ARNT: variants seen among roughly 807,000 people sequenced by gnomAD.
ARNT encodes the protein aryl hydrocarbon receptor nuclear translocator, also known as class E basic helix-loop-helix protein 2.
Under a neutral mutation model 105.0 loss-of-function variants are expected in ARNT, and 30 were observed. The observed-to-expected ratio is 0.29, with a 90% CI of 0.21 to 0.39. The LOEUF (loss-of-function observed/expected upper bound fraction) is 0.39. ARNT is among the 10% of genes least tolerant of loss of function. The probability of loss-of-function intolerance (pLI) is 1.00; values close to 1 mark genes in which losing one functional copy is unlikely to be tolerated. For missense variants in ARNT, 748 were observed against 978.7 expected (o/e 0.76, Z 3.15); for synonymous variants, 304 against 344.0 (o/e 0.88, Z 1.29).
intron 4 of ARNT, 89 bp downstream of exon 4, chr1:150,846,174 G>A: frequency 8.8e-7 from 1 of 1,141,884 alleles, no homozygotes; most frequent in South Asian, 1.5e-5. Context: ...GTCTCATCCA[G>A]AAAAAATTAA....
At chr1:150,815,553 GAA>G (rs1269872697) in intron 19 of ARNT, among the ~76,000 whole-genome samples, 4 of 82,694 alleles carry the variant, frequency 4.8e-5, no homozygotes, top group Admixed American at 1.4e-4. Flanking sequence ...TCTGTCTCAA[GAA>G]AAAAAAAAAA....
chr1:150,836,260 C>A lies in ARNT; in HGVS notation c.700+20G>T, dbSNP rs1660307234. The A allele has an allele frequency of 6.2e-7, 1 of 1,609,582 alleles. No homozygotes were observed. The highest frequency in any genetic ancestry group is 8.5e-7 in the Non-Finnish European group (1 of 1,176,154). On this transcript the variant is annotated intron_variant, in intron 7 of 21. Transcript: ENST00000358595. ...ACAAGAAAGGACTTCTCATTCATTT[C>A]CCATACACATAACTCTCACCTGTCA... is the stretch of plus-strand genomic sequence containing the variant.
intron 2 of ARNT, among the ~76,000 whole-genome samples, chr1:150,853,849 T>C (rs1022249699): frequency 1.3e-5 from 2 of 152,242 alleles, no homozygotes; most frequent in African/African-American, 4.8e-5. Context: ...CTGTACACTA[T>C]TGAACTAAAA....
chr1:150,858,089 T>C (rs183868131), intron 2 of ARNT, among the ~76,000 whole-genome samples: 10 of 152,170 alleles, frequency 6.6e-5, no homozygotes, highest in African/African-American at 2.4e-4. Flanking sequence ...TAGTAAAATC[T>C]CTGGGCTTAG....
At chr1:150,827,098 G>A (rs991910638) in intron 12 of ARNT, among the ~76,000 whole-genome samples, 2 of 151,780 alleles carry the variant, frequency 1.3e-5, no homozygotes, top group Admixed American at 6.6e-5. Flanking sequence ...CTAAAAAAAG[G>A]CAGAATCTGT....
At position 150,823,306 on chromosome 1, in the gene ARNT, G is replaced by A. The variant is rs1261130932; in HGVS notation, c.1282C>T (p.Arg428Trp). 1.9e-6 allele frequency: 3 copies of A among 1,613,502 alleles called. No homozygotes were observed. The highest frequency in any genetic ancestry group is 1.7e-5 in the Admixed American group (1 of 60,008). Residue 428 changes from arginine (R) to tryptophan (W), a missense_variant, in exon 14 of 22, where the codon CGG (arginine) becomes TGG (tryptophan). Physicochemically the swap from Arg to Trp is moderately radical, Grantham distance 101. Coordinates refer to ENST00000358595, the MANE Select transcript of ARNT (RefSeq NM_001668.4). ...LKGQVLSVMF[R>W]FRSKNQEWLW... Reference sequence around the variant, plus strand: ...CATTCTTGGTTCTTAGACCGGAACCGGAACATGACAGACAGCACTTGGCCT... The same window carrying A: ...CATTCTTGGTTCTTAGACCGGAACCAGAACATGACAGACAGCACTTGGCCT...
At chr1:150,830,206 C>CA (rs1571265997) in intron 10 of ARNT, 2 of 440,322 alleles carry the variant, frequency 4.5e-6, no homozygotes, top group African/African-American at 4.0e-5. Context: ...ATTAGCCAGG[C>CA]ATGGTGGCAT....
chr1:150,848,519 ACT>A (rs992574287), intron 3 of ARNT, among the ~76,000 whole-genome samples: 13 of 151,648 alleles, frequency 8.6e-5, no homozygotes, highest in Admixed American at 6.6e-4. Context: ...ACTATATATA[ACT>A]CTGCACTGTT....
rs34096034 is a variant in ARNT at position 150,817,911 on chromosome 1, C to CT, written c.1505+8dup. On this transcript the variant is annotated intron_variant, in intron 15 of 21. Coordinates refer to ENST00000358595, the MANE Select transcript of ARNT (RefSeq NM_001668.4). Reference sequence around the variant, plus strand: ...CTGCTCAACAGATGATTATTTCACCCTTTTTTACCTGGGTGCCAGCTGTCC... The same window carrying CT: ...CTGCTCAACAGATGATTATTTCACCCTTTTTTTACCTGGGTGCCAGCTGTCC... 2 of 1,600,266 alleles carry CT rather than the reference C, an allele frequency of 1.2e-6. No individual in the cohort carries two copies. Among genetic ancestry groups the CT allele is most frequent in the African/African-American group, 2.7e-5 (2 of 74,760 alleles).
intron 3 of ARNT, 128 bp from the exon 4 acceptor site, chr1:150,846,435 G>T: frequency 1.2e-6 from 1 of 866,626 alleles, no homozygotes. Flanking sequence ...ATCACAAAGT[G>T]ATAGAAATAA....
At chr1:150,813,385 C>A in intron 20 of ARNT, 47 bp from the exon 21 acceptor site, 2 of 1,525,252 alleles carry the variant, frequency 1.3e-6, no homozygotes, top group East Asian at 2.3e-5. Flanking sequence ...CTACACAATT[C>A]CATTGTGTAC....
At chr1:150,823,156 G>C (rs377533771) in intron 14 of ARNT, 38 bp downstream of exon 14, 34 of 1,480,114 alleles carry the variant, frequency 2.3e-5, no homozygotes, top group Non-Finnish European at 4.5e-6. Context: ...TGAGAACAGA[G>C]GAAAAACAGT....
At position 150,875,306 on chromosome 1, in the gene ARNT, A is replaced by G. The variant is rs114171189; in HGVS notation, c.25+1237T>C. ...AAAAAAATGACGTGACAAATTAACCATTTCTTAAAATAGCTATTCCCAGAA... is the reference window on the plus strand; with the variant it reads ...AAAAAAATGACGTGACAAATTAACCGTTTCTTAAAATAGCTATTCCCAGAA... On this transcript the variant is annotated intron_variant, in intron 1 of 21. Coordinates refer to ENST00000358595, the MANE Select transcript of ARNT (RefSeq NM_001668.4). 6.7e-3 allele frequency among the ~76,000 whole-genome samples: 1,018 copies of G among 152,320 alleles called. 18 individuals are homozygous for G. The highest frequency in any genetic ancestry group is 0.023 in the African/African-American group (952 of 41,570).
chr1:150,834,714 A>G (rs1659981932), intron 7 of ARNT, 74 bp from the exon 8 acceptor site: 1 of 1,277,252 alleles, frequency 7.8e-7, no homozygotes, highest in Admixed American at 1.7e-5. Context: ...TACTGAAGGC[A>G]AAGATAAGTA....
At chr1:150,815,228 C>T (rs145897011) in intron 19 of ARNT, among the ~76,000 whole-genome samples, 27 of 151,960 alleles carry the variant, frequency 1.8e-4, no homozygotes, top group Admixed American at 5.2e-4. Context: ...ATTTATTGTG[C>T]GTTATATTAT....
Position 150,839,644 on chromosome 1 carries a change from T to C in ARNT, c.283A>G (p.Ser95Gly). ...TTCCGTCGCCGCCGTTCAATTTCAC[T>C]GTGATTTTCCCTGCATGGAAAGAAA... The part of the protein sequence containing the change: ...DKERLARENH[S>G]EIERRRRNKM... The change falls in exon 6 of 22, where the codon AGT (serine) becomes GGT (glycine). Residue 95 changes from serine to glycine, a missense_variant. By Grantham distance (56) the Ser-to-Gly change is moderately conservative. Around this residue, in one of 4 missense-constraint regions of ARNT, gnomAD observed 291 missense variants for 444.6 expected, o/e 0.65. Coordinates refer to ENST00000358595, the MANE Select transcript of ARNT (RefSeq NM_001668.4). 6.2e-7 allele frequency: 1 copy of C among 1,613,642 alleles called. No homozygotes were observed. The highest frequency in any genetic ancestry group is 8.5e-7 in the Non-Finnish European group (1 of 1,179,822).
At chr1:150,833,781 CA>C (rs1318216648) in intron 8 of ARNT, among the ~76,000 whole-genome samples, 100 of 138,396 alleles carry the variant, frequency 7.2e-4, no homozygotes, top group Admixed American at 7.1e-4. Flanking sequence ...AATTTCTAAC[CA>C]AAAAAAAAAA....
Position 150,854,786 on chromosome 1 carries a change from G to A in ARNT, c.138-1980C>T, listed in dbSNP as rs923134176. On this transcript the variant is annotated intron_variant, in intron 2 of 21. Coordinates refer to ENST00000358595, the MANE Select transcript of ARNT (RefSeq NM_001668.4). ...GCATGAGAATTGCCTGAACCCGGGAGGCAGAGGTTGCAGTGAGCCAAAATT... is the reference window on the plus strand; with the variant it reads ...GCATGAGAATTGCCTGAACCCGGGAAGCAGAGGTTGCAGTGAGCCAAAATT... Among the ~76,000 whole-genome samples the A allele has an allele frequency of 2.0e-5, 3 of 150,618 alleles. 1 individual carries two copies. In the East Asian group the frequency reaches 5.8e-4, roughly 29 times the overall value.
intron 2 of ARNT, 80 bp downstream of exon 2, chr1:150,858,269 G>A: frequency 1.9e-6 from 2 of 1,057,246 alleles, no homozygotes; most frequent in East Asian, 2.6e-5. Flanking sequence ...ATAGCGAAGT[G>A]AGTTCAGCAA....
Sources: gnomAD v4.1 joint callset for allele counts (sites outside exome capture counted in the v4.1 genomes callset) on GRCh38, gnomAD v4.1.1 for gene constraint, gnomAD v4.1.1 regional missense constraint, MANE v1.5 for transcripts, NCBI Gene and HGNC (gene_info 2026-07-23, HGNC 2026-07-21) for gene names.